RUNX2: variants seen among roughly 807,000 people sequenced by gnomAD.
RUNX2 encodes the protein RUNX family transcription factor 2, also known as runt-related transcription factor 2.
Under a neutral mutation model 51.7 loss-of-function variants are expected in RUNX2, and 10 were observed. The ratio of observed to expected loss-of-function variants is 0.19; its 90% CI spans 0.12 to 0.33. The LOEUF (loss-of-function observed/expected upper bound fraction) is 0.33, where lower values mean the gene tolerates loss of function less well. RUNX2 is among the 10% of genes least tolerant of loss of function. The pLI is 1.00. For synonymous variants in RUNX2, 276 were observed against 273.6 expected (o/e 1.01, Z -0.09); for missense variants, 562 against 691.3 (o/e 0.81, Z 2.10).
chr6:45,408,086 C>A (rs1298983444), intron 2 of RUNX2, among the ~76,000 whole-genome samples: 3 of 152,096 alleles, frequency 2.0e-5, no homozygotes, highest in African/African-American at 7.2e-5. Context: ...AAATACATCT[C>A]TTAAGGATTT....
At chr6:45,448,312 T>C (rs1582122846) in intron 5 of RUNX2, among the ~76,000 whole-genome samples, 2 of 152,224 alleles carry the variant, frequency 1.3e-5, no homozygotes, top group South Asian at 4.1e-4. Context: ...CATGTGGCTG[T>C]TGCTCCCTGA....
chr6:45,436,856 C>G (rs1428806362), intron 4 of RUNX2, among the ~76,000 whole-genome samples: 2 of 152,178 alleles, frequency 1.3e-5, no homozygotes, highest in Non-Finnish European at 2.9e-5. Flanking sequence ...AAAAGAATCT[C>G]TGACCAAAAA....
rs114503690 is a variant in RUNX2 at position 45,493,851 on chromosome 6, A to G, written c.859+1737A>G. Among the ~76,000 whole-genome samples the G allele has an allele frequency of 6.9e-3, 1,049 of 152,168 alleles. 14 individuals carry two copies. Among genetic ancestry groups the G allele is most frequent in the African/African-American group, 0.024 (998 of 41,502 alleles). On this transcript the variant is annotated intron_variant, in intron 6 of 8. Coordinates refer to ENST00000647337, the MANE Select transcript of RUNX2 (RefSeq NM_001024630.4). ...GATGACTAATAAAATATATATAAATATATGTTCCATGATTTGGCAACCACT... is the reference window on the plus strand; with the variant it reads ...GATGACTAATAAAATATATATAAATGTATGTTCCATGATTTGGCAACCACT...
At chr6:45,351,501 C>G (rs1376496597) in intron 2 of RUNX2, among the ~76,000 whole-genome samples, 1 of 152,118 alleles carries the variant, frequency 6.6e-6, no homozygotes, top group Admixed American at 6.5e-5. Context: ...CCACAGCACA[C>G]AGAAAGGAAA....
chr6:45,376,015 A>G (rs894754711), intron 2 of RUNX2, among the ~76,000 whole-genome samples: 2 of 152,248 alleles, frequency 1.3e-5, no homozygotes, highest in African/African-American at 2.4e-5. Context: ...AAAAACTTGA[A>G]TAAGAGCTGG....
intron 2 of RUNX2, among the ~76,000 whole-genome samples, chr6:45,335,849 T>C (rs918504160): frequency 6.6e-6 from 1 of 151,352 alleles, no homozygotes; most frequent in African/African-American, 2.4e-5. Context: ...TCATGAAATC[T>C]GTAAAGCATT....
chr6:45,409,543 T>A (rs1054195136), intron 2 of RUNX2, among the ~76,000 whole-genome samples: 2 of 152,226 alleles, frequency 1.3e-5, no homozygotes, highest in Admixed American at 1.3e-4. Context: ...TGCTAAGTCA[T>A]ACAGCATATG....
intron 7 of RUNX2, among the ~76,000 whole-genome samples, chr6:45,531,394 C>G (rs1160518640): frequency 1.3e-5 from 2 of 152,102 alleles, no homozygotes; most frequent in African/African-American, 4.8e-5. Flanking sequence ...GAAAAATCTA[C>G]CTCCCAATTT....
At chr6:45,488,826 C>T (rs1582165287) in intron 5 of RUNX2, among the ~76,000 whole-genome samples, 1 of 152,170 alleles carries the variant, frequency 6.6e-6, no homozygotes, top group African/African-American at 2.4e-5. Context: ...AACATCTACT[C>T]GTTGGCCCGT....
chr6:45,397,310 C>T (rs1229130226), intron 2 of RUNX2, among the ~76,000 whole-genome samples: 2 of 151,732 alleles, frequency 1.3e-5, no homozygotes, highest in African/African-American at 2.4e-5. Context: ...GGGGTTTCAA[C>T]GTCTTAGCCA....
chr6:45,374,127 G>A (rs1051769683), intron 2 of RUNX2, among the ~76,000 whole-genome samples: 1 of 152,148 alleles, frequency 6.6e-6, no homozygotes, highest in African/African-American at 2.4e-5. Flanking sequence ...TACTGATAAG[G>A]AAATTGAGGC....
At chr6:45,435,426 C>T (rs530875258) in intron 4 of RUNX2, among the ~76,000 whole-genome samples, 99 of 152,276 alleles carry the variant, frequency 6.5e-4, no homozygotes, top group Non-Finnish European at 1.1e-3. Flanking sequence ...GGCACCATCT[C>T]GGCTCACTAT....
chr6:45,537,575 G>C (rs2150444865), intron 7 of RUNX2, among the ~76,000 whole-genome samples: 1 of 152,222 alleles, frequency 6.6e-6, no homozygotes, highest in African/African-American at 2.4e-5. Flanking sequence ...CTGAGCTGTG[G>C]CATCCCAGCT....
At chr6:45,499,832 T>A (rs1582177531) in intron 6 of RUNX2, among the ~76,000 whole-genome samples, 1 of 152,188 alleles carries the variant, frequency 6.6e-6, no homozygotes, top group South Asian at 2.1e-4. Context: ...TAACTCTCCA[T>A]GCAGAGGAAG....
chr6:45,347,255 T>TATATATA (rs1451704203), intron 2 of RUNX2, among the ~76,000 whole-genome samples: 3 of 152,190 alleles, frequency 2.0e-5, no homozygotes, highest in Admixed American at 6.5e-5. Context: ...TAAACTACAG[T>TATATATA]GAATAATTAA....
At chr6:45,337,585 G>A (rs1040087703) in intron 2 of RUNX2, among the ~76,000 whole-genome samples, 3 of 151,602 alleles carry the variant, frequency 2.0e-5, no homozygotes, top group Admixed American at 1.3e-4. Context: ...CTAAAACAAC[G>A]GACTACCTGT....
chr6:45,486,963 G>T (rs947491286), intron 5 of RUNX2, among the ~76,000 whole-genome samples: 4 of 152,076 alleles, frequency 2.6e-5, no homozygotes, highest in Admixed American at 2.0e-4. Flanking sequence ...TTCATTGTGG[G>T]TAGGGCACAA....
intron 7 of RUNX2, among the ~76,000 whole-genome samples, chr6:45,524,325 AT>A (rs536736609): frequency 6.4e-4 from 97 of 152,008 alleles, no homozygotes; most frequent in East Asian, 3.9e-3. Context: ...ATCTCAGAGG[AT>A]TTTTTTTTAA....
At chr6:45,337,445 C>G (rs548744874) in intron 2 of RUNX2, among the ~76,000 whole-genome samples, 1 of 151,744 alleles carries the variant, frequency 6.6e-6, no homozygotes, top group Non-Finnish European at 1.5e-5. Context: ...AAGGGTTACT[C>G]TAAAAATACT....
Sources: gnomAD v4.1 joint callset for allele counts (sites outside exome capture counted in the v4.1 genomes callset) on GRCh38, gnomAD v4.1.1 for gene constraint, MANE v1.5 for transcripts, NCBI Gene and HGNC (gene_info 2026-07-23, HGNC 2026-07-21) for gene names.